Variants in STRN3 observed in about 807,000 individuals in gnomAD.
STRN3 encodes the protein striatin-3.
A neutral mutation model predicts 95.6 loss-of-function variants in STRN3; 29 were observed. The observed-to-expected ratio is 0.30, with a 90% CI of 0.23 to 0.41. The LOEUF (loss-of-function observed/expected upper bound fraction) is 0.41, where lower values mean the gene tolerates loss of function less well. STRN3 is among the 10% of genes least tolerant of loss of function. STRN3 has a pLI of 1.00. For synonymous variants in STRN3, 331 were observed against 357.6 expected (o/e 0.93, Z 0.84); for missense variants, 890 against 972.1 (o/e 0.92, Z 1.12).
At chr14:31,023,467 G>C (rs1450862463) in intron 1 of STRN3, among the ~76,000 whole-genome samples, 1 of 152,088 alleles carries the variant, frequency 6.6e-6, no homozygotes, top group African/African-American at 2.4e-5. Flanking sequence ...CTTTCCCAAA[G>C]CCAGGGAAAA....
intron 5 of STRN3, among the ~76,000 whole-genome samples, chr14:30,939,804 C>G (rs1955562): frequency 6.6e-6 from 1 of 152,126 alleles, no homozygotes; most frequent in East Asian, 1.9e-4. Context: ...AAATAACATG[C>G]TCAGATTGCT....
Position 30,902,568 on chromosome 14 carries a change from T to TC in STRN3, c.2104dup (p.Asp702GlyfsTer2). 6.2e-7 allele frequency: 1 copy of TC among 1,607,898 alleles called. No homozygotes were observed. The highest frequency in any genetic ancestry group is 8.5e-7 in the Non-Finnish European group (1 of 1,177,912). On this transcript the variant is annotated frameshift_variant, in exon 16 of 18. Coordinates refer to ENST00000357479, the MANE Select transcript of STRN3 (RefSeq NM_001083893.2). LOFTEE classifies it high-confidence loss of function. ...ATTGTCAAAAAATTTGATGTGTCTA[T>TC]CTTCATGAGCAGTTATTGTAACAGG...
chr14:31,012,737 CA>C (rs1461420639), intron 1 of STRN3, among the ~76,000 whole-genome samples: 9 of 151,810 alleles, frequency 5.9e-5, no homozygotes, highest in East Asian at 1.9e-4. Context: ...ACTAAAAATA[CA>C]AAAAAATGAG....
intron 16 of STRN3, among the ~76,000 whole-genome samples, chr14:30,898,986 G>A (rs149484215): frequency 1.1e-4 from 16 of 152,274 alleles, no homozygotes; most frequent in African/African-American, 3.6e-4. Flanking sequence ...GTAAAATGGG[G>A]ATAATAATAG....
At chr14:30,997,659 T>C (rs1882266000) in intron 1 of STRN3, among the ~76,000 whole-genome samples, 1 of 152,210 alleles carries the variant, frequency 6.6e-6, no homozygotes, top group African/African-American at 2.4e-5. Context: ...AACTTTGTTT[T>C]CTTGAACTTC....
At chr14:30,962,835 A>ACT (rs1555321452) in intron 1 of STRN3, among the ~76,000 whole-genome samples, 1 of 145,724 alleles carries the variant, frequency 6.9e-6, no homozygotes, top group Non-Finnish European at 1.5e-5. Flanking sequence ...ACCTGGCCCC[A>ACT]TTTTTTTTTT....
Position 30,981,606 on chromosome 14 carries a change from A to ACACACACACCC in STRN3, c.283-25365_283-25364insGGGTGTGTGTG, listed in dbSNP as rs1491272307. Among the ~76,000 whole-genome samples the ACACACACACCC allele has an allele frequency of 2.0e-5, 3 of 148,482 alleles. No individual in the cohort carries two copies. In the East Asian group the frequency reaches 5.8e-4, roughly 29 times the overall value. On this transcript the variant is annotated intron_variant, in intron 1 of 17. Transcript: ENST00000357479. ...CACACACACACACACACACACACAC[A>ACACACACACCC]CCCCATAATTCAGTGTGCTAAAGCA...
At chr14:30,910,034 T>C (rs1387541941) in intron 13 of STRN3, among the ~76,000 whole-genome samples, 3 of 152,218 alleles carry the variant, frequency 2.0e-5, no homozygotes, top group African/African-American at 4.8e-5. Flanking sequence ...AGCAGCCTCC[T>C]AACTGGTATT....
rs547049083 is a variant in STRN3 at position 30,931,391 on chromosome 14, T to C, written c.989-2080A>G. Among the ~76,000 whole-genome samples the C allele has an allele frequency of 3.0e-4, 45 of 152,116 alleles. 2 individuals carry two copies. Among genetic ancestry groups the C allele is most frequent in the Non-Finnish European group, 5.7e-4 (39 of 67,988 alleles). On this transcript the variant is annotated intron_variant, in intron 7 of 17. Coordinates refer to ENST00000357479, the MANE Select transcript of STRN3 (RefSeq NM_001083893.2). ...AATCATTTACAGTAACTTTTTTGTCTAAAAGAAAACACAAATATGCGTAAG... is the reference window on the plus strand; with the variant it reads ...AATCATTTACAGTAACTTTTTTGTCCAAAAGAAAACACAAATATGCGTAAG...
intron 1 of STRN3, among the ~76,000 whole-genome samples, chr14:31,017,061 G>GA: frequency 6.6e-6 from 1 of 150,666 alleles, no homozygotes; most frequent in African/African-American, 2.4e-5. Context: ...AGGCTGAGGT[G>GA]GGAGGATCAC....
At chr14:30,995,842 A>G (rs978619487) in intron 1 of STRN3, among the ~76,000 whole-genome samples, 1 of 152,222 alleles carries the variant, frequency 6.6e-6, no homozygotes, top group Non-Finnish European at 1.5e-5. Context: ...CCCTTTCAGG[A>G]ATGAAGGATT....
At position 30,929,209 on chromosome 14, in the gene STRN3, C is replaced by G; in HGVS notation, c.1091G>C (p.Gly364Ala). ...QYKKERKGKKGVKRANRTKLY... is the reference protein window; with the variant it reads ...QYKKERKGKKAVKRANRTKLY... ...TCAGAATCTGCACTTACTCTTCACC[C>G]CTTTCTTCCCCTTTCGTTCCTTCTT... Residue 364 changes from glycine (G) to alanine (A), a missense_variant, in exon 8 of 18, where the codon GGG (glycine) becomes GCG (alanine). By Grantham distance (60) the Gly-to-Ala change is moderately conservative. Transcript: ENST00000357479. 1 of 1,608,392 alleles carries G rather than the reference C, an allele frequency of 6.2e-7. No homozygotes were observed.
At chr14:30,913,917 TGTCTAAATC>T (rs1410084634) in intron 9 of STRN3, among the ~76,000 whole-genome samples, 1 of 150,222 alleles carries the variant, frequency 6.7e-6, no homozygotes, top group Non-Finnish European at 1.5e-5. Context: ...AAGCTTTGTC[TGTCTAAATC>T]TCTTATCACT....
chr14:30,927,723 T>TTGAGACCAC (rs1336997335), intron 8 of STRN3, among the ~76,000 whole-genome samples: 12 of 151,694 alleles, frequency 7.9e-5, no homozygotes, highest in Admixed American at 3.9e-4. Context: ...TGTCAGGAGA[T>TTGAGACCAC]TGAGACCATC....
chr14:30,973,388 G>A (rs998329185), intron 1 of STRN3, among the ~76,000 whole-genome samples: 12 of 151,754 alleles, frequency 7.9e-5, no homozygotes, highest in Non-Finnish European at 1.6e-4. Flanking sequence ...AAGAGACAGA[G>A]AGAGAGAAAG....
chr14:30,916,599 CT>C (rs1308391425), intron 9 of STRN3, among the ~76,000 whole-genome samples: 10 of 151,252 alleles, frequency 6.6e-5, no homozygotes, highest in Non-Finnish European at 1.3e-4. Context: ...TTAATATCTT[CT>C]TTTTTTTTCT....
chr14:31,023,397 C>T (rs999316174), intron 1 of STRN3, among the ~76,000 whole-genome samples: 14 of 152,096 alleles, frequency 9.2e-5, no homozygotes, highest in African/African-American at 3.4e-4. Context: ...CTAAGACAGA[C>T]CTTTACTCTA....
chr14:30,901,612 A>G (rs541642659), intron 16 of STRN3, among the ~76,000 whole-genome samples: 1 of 152,318 alleles, frequency 6.6e-6, no homozygotes, highest in Non-Finnish European at 1.5e-5. Context: ...CTCTCCTCAA[A>G]GTAGCCTTCC....
chr14:30,933,970 T>C (rs1374545550), intron 7 of STRN3, among the ~76,000 whole-genome samples: 1 of 152,090 alleles, frequency 6.6e-6, no homozygotes, highest in East Asian at 1.9e-4. Context: ...AGTTGTTTTT[T>C]AAAAAAAATC....
Sources: allele counts gnomAD v4.1 joint callset (sites outside exome capture counted in the v4.1 genomes callset), GRCh38; gene constraint gnomAD v4.1.1; transcripts MANE v1.5; gene names NCBI Gene and HGNC (gene_info 2026-07-23, HGNC 2026-07-21).